The following CLTB variants were observed in gnomAD, a reference collection of about 807,000 sequenced individuals.
The protein encoded by CLTB is clathrin light chain B.
CLTB carries 10 observed loss-of-function variants against 30.5 expected under a neutral mutation model. The ratio of observed to expected loss-of-function variants is 0.33; its 90% CI spans 0.20 to 0.56. CLTB has a LOEUF of 0.56. Ranked by LOEUF, CLTB falls within the 20% of genes least tolerant of loss-of-function variation. CLTB has a pLI of 0.91. For synonymous variants in CLTB, 102 were observed against 120.3 expected, an observed-to-expected ratio of 0.85 and a Z score of 1.00; for missense variants, 261 against 308.3, an observed-to-expected ratio of 0.85 and a Z score of 1.15.
chr5:176,410,344 CT>C, intron 1 of CLTB, 41 bp from the exon 2 acceptor site: 1 of 1,588,378 alleles, frequency 6.3e-7, no homozygotes, highest in Non-Finnish European at 8.6e-7. Flanking sequence ...CACTGTTTAG[CT>C]TATAGCAAGC....
chr5:176,399,622 G>A (rs1390427445), intron 2 of CLTB, among the ~76,000 whole-genome samples: 3 of 152,080 alleles, frequency 2.0e-5, no homozygotes, highest in Non-Finnish European at 2.9e-5. Flanking sequence ...GGCCAGGCAC[G>A]GTGGCTCACG....
In CLTB at chr5:176,392,983, G is replaced by T; in HGVS notation, c.519-38C>A. 1 of 1,612,068 alleles carries T rather than the reference G, an allele frequency of 6.2e-7. No homozygotes were observed. The highest frequency in any genetic ancestry group is 2.2e-5 in the East Asian group (1 of 44,858). The stretch of plus-strand genomic sequence containing the variant: ...ATAGGACGGGCTTTTATAGCAGTCT[G>T]CTTTCCCCCAGCCTTGCCCTTGAGC... On this transcript the variant is annotated intron_variant, in intron 5 of 5. Coordinates refer to ENST00000310418, the MANE Select transcript of CLTB (RefSeq NM_007097.5). The surrounding 1 kb of genome is among the most constrained non-coding windows in gnomAD (Gnocchi z 5.2).
intron 2 of CLTB, among the ~76,000 whole-genome samples, chr5:176,399,351 G>C (rs976338464): frequency 5.9e-5 from 9 of 152,192 alleles, no homozygotes; most frequent in African/African-American, 2.2e-4. Flanking sequence ...GGACTCTGCA[G>C]CCAGGCTGTC....
rs547976070 is a variant in CLTB, at chr5:176,415,401, G to A, written c.187+776C>T. On this transcript the variant is annotated intron_variant, in intron 1 of 5. Transcript: ENST00000310418. ...CCGACAGGAACAGGTTTAAATTCAC[G>A]GCCAGGTGTGGTGACTCACACCTGT... Among the ~76,000 whole-genome samples, 133 of 152,232 alleles carry A rather than the reference G, an allele frequency of 8.7e-4. 1 individual carries two copies. Among genetic ancestry groups the A allele is most frequent in the South Asian group, 1.5e-3 (7 of 4,824 alleles).
chr5:176,394,695 G>A (rs1021663892), intron 5 of CLTB, among the ~76,000 whole-genome samples: 7 of 152,070 alleles, frequency 4.6e-5, no homozygotes, highest in Admixed American at 6.6e-5. Context: ...GGCACCTGTA[G>A]TCCCAGCTAC....
chr5:176,412,900 T>A (rs1757517343), intron 1 of CLTB, among the ~76,000 whole-genome samples: 1 of 152,080 alleles, frequency 6.6e-6, no homozygotes, highest in Non-Finnish European at 1.5e-5. Flanking sequence ...GTTACCAGGG[T>A]CTATTCCCTG....
At chr5:176,405,140 C>G (rs1757038855) in intron 2 of CLTB, among the ~76,000 whole-genome samples, 1 of 152,132 alleles carries the variant, frequency 6.6e-6, no homozygotes. Context: ...AAGCCAAGCC[C>G]TCACCTTCCT....
At chr5:176,405,486 T>A (rs1757055380) in intron 2 of CLTB, 1 of 107,936 alleles carries the variant, frequency 9.3e-6, no homozygotes, top group Admixed American at 1.2e-4. Context: ...AGACCCTGTC[T>A]CTCAAAAAAA....
At chr5:176,395,734 A>G (rs1053733659) in intron 5 of CLTB, among the ~76,000 whole-genome samples, 1 of 152,178 alleles carries the variant, frequency 6.6e-6, no homozygotes, top group Non-Finnish European at 1.5e-5. Context: ...GCTGATGGCC[A>G]AAGTCAGTGC....
At chr5:176,406,669 G>C (rs1439838789) in intron 2 of CLTB, 1 of 1,289,198 alleles carries the variant, frequency 7.8e-7, no homozygotes, top group Non-Finnish European at 1.0e-6. Context: ...GGCTGTATTG[G>C]CAACTGGGTT....
chr5:176,404,509 G>C (rs1450800865), intron 2 of CLTB, among the ~76,000 whole-genome samples: 1 of 152,258 alleles, frequency 6.6e-6, no homozygotes, highest in African/African-American at 2.4e-5. Flanking sequence ...GGAAAAAGCA[G>C]AAAGTGAAGT....
intron 5 of CLTB, 125 bp downstream of exon 5, chr5:176,396,354 C>T (rs1406469686): frequency 2.3e-6 from 2 of 880,184 alleles, no homozygotes; most frequent in Non-Finnish European, 1.9e-6. Context: ...GCATTTGCCT[C>T]CTGTTCTGAC....
intron 2 of CLTB, among the ~76,000 whole-genome samples, chr5:176,402,199 G>A (rs1322202097): frequency 6.6e-6 from 1 of 152,188 alleles, no homozygotes; most frequent in Non-Finnish European, 1.5e-5. Context: ...CTACTCAGGA[G>A]GCTGAGGCAG....
intron 5 of CLTB, among the ~76,000 whole-genome samples, chr5:176,394,555 T>C (rs111825432): frequency 0.066 from 9,974 of 151,790 alleles, 399 homozygotes; most frequent in Middle Eastern, 0.1. Flanking sequence ...CGGTGGCTCA[T>C]GCCTGTAATC....
chr5:176,403,818 G>A (rs1326357229), intron 2 of CLTB, among the ~76,000 whole-genome samples: 1 of 152,110 alleles, frequency 6.6e-6, no homozygotes, highest in Non-Finnish European at 1.5e-5. Context: ...GGAGTACAGT[G>A]GCGTGATCTC....
At position 176,393,218 on chromosome 5, in the gene CLTB, G is replaced by A. The variant is rs113634724; in HGVS notation, c.519-273C>T. 1.3e-5 allele frequency among the ~76,000 whole-genome samples: 2 copies of A among 152,186 alleles called. No homozygotes were observed. Among genetic ancestry groups the A allele is most frequent in the African/African-American group, 4.8e-5 (2 of 41,520 alleles). ...TTCTTGTCATTCAGGTCTCAGTGCG[G>A]GCCTCACCTCCTCAGAAAGTCTTCC... On this transcript the variant is annotated intron_variant, in intron 5 of 5. Coordinates refer to ENST00000310418, the MANE Select transcript of CLTB (RefSeq NM_007097.5). The surrounding 1 kb of genome is among the most constrained non-coding windows in gnomAD (Gnocchi z 4.4).
chr5:176,394,780 A>G (rs939880112), intron 5 of CLTB, among the ~76,000 whole-genome samples: 1 of 151,388 alleles, frequency 6.6e-6, no homozygotes, highest in African/African-American at 2.4e-5. Flanking sequence ...ATGCCACTGC[A>G]CTCCAGCCTG....
At chr5:176,403,731 C>T (rs897870203) in intron 2 of CLTB, among the ~76,000 whole-genome samples, 4 of 151,354 alleles carry the variant, frequency 2.6e-5, no homozygotes, top group Non-Finnish European at 5.9e-5. Context: ...GGATTACAGG[C>T]GTGAGCCACG....
At chr5:176,395,385 G>C (rs1482837812) in intron 5 of CLTB, among the ~76,000 whole-genome samples, 1 of 152,180 alleles carries the variant, frequency 6.6e-6, no homozygotes, top group African/African-American at 2.4e-5. Context: ...GGCGGCCTGT[G>C]GGTGTCTTAC....
Sources: gnomAD v4.1 joint callset for allele counts (sites outside exome capture counted in the v4.1 genomes callset) on GRCh38, gnomAD v4.1.1 for gene constraint, Gnocchi (gnomAD v3.1) non-coding constraint, MANE v1.5 for transcripts, NCBI Gene and HGNC (gene_info 2026-07-23, HGNC 2026-07-21) for gene names.